The following PCDH15 variants were observed in gnomAD, a reference collection of about 807,000 sequenced individuals.
PCDH15 encodes protocadherin related 15.
A neutral mutation model predicts 178.5 loss-of-function variants in PCDH15; 129 were observed. The ratio of observed to expected loss-of-function variants is 0.72; its 90% confidence interval spans 0.63 to 0.84. The LOEUF (loss-of-function observed/expected upper bound fraction) is 0.84. PCDH15 is among the 40% of genes least tolerant of loss of function. The pLI is 0.00. For synonymous variants in PCDH15, 800 were observed against 732.0 expected, an observed-to-expected ratio of 1.09 and a Z score of -1.50; for missense variants, 2,230 against 2,099.9, an observed-to-expected ratio of 1.06 and a Z score of -1.21.
chr10:55,448,112 A>T (rs980198793), intron 2 of PCDH15, among the ~76,000 whole-genome samples: 3 of 152,038 alleles, frequency 2.0e-5, no homozygotes, highest in Non-Finnish European at 2.9e-5. Flanking sequence ...ATTGATCTTA[A>T]AGAAAAAACA....
At chr10:55,183,868 A>T (rs1291255184) in intron 1 of PCDH15, among the ~76,000 whole-genome samples, 1 of 151,902 alleles carries the variant, frequency 6.6e-6, no homozygotes, top group East Asian at 1.9e-4. Flanking sequence ...CAGATTTTTC[A>T]ATTAAAAATT....
At chr10:55,292,819 C>A (rs1843041898) in intron 1 of PCDH15, among the ~76,000 whole-genome samples, 1 of 152,220 alleles carries the variant, frequency 6.6e-6, no homozygotes, top group Non-Finnish European at 1.5e-5. Flanking sequence ...TATTCTCACT[C>A]CTGGCTGCTT....
At chr10:55,245,365 C>CA (rs1226139780) in intron 1 of PCDH15, among the ~76,000 whole-genome samples, 1 of 151,766 alleles carries the variant, frequency 6.6e-6, no homozygotes, top group African/African-American at 2.4e-5. Flanking sequence ...AAAAATAACT[C>CA]AAAAAAACAG....
intron 1 of PCDH15, among the ~76,000 whole-genome samples, chr10:55,306,569 G>C (rs1409104467): frequency 6.6e-6 from 1 of 152,154 alleles, no homozygotes; most frequent in Non-Finnish European, 1.5e-5. Context: ...AGAGTTCTGA[G>C]TATTCTATAA....
At chr10:55,375,275 A>C (rs1052351708) in intron 2 of PCDH15, among the ~76,000 whole-genome samples, 2 of 152,128 alleles carry the variant, frequency 1.3e-5, no homozygotes, top group Admixed American at 1.3e-4. Flanking sequence ...AGGAAAACTT[A>C]AGAAAGAATG....
chr10:54,798,994 G>C (rs941301507), intron 1 of PCDH15, among the ~76,000 whole-genome samples: 2 of 151,860 alleles, frequency 1.3e-5, no homozygotes, highest in Non-Finnish European at 2.9e-5. Context: ...TATAATTTTT[G>C]GTTTTACATT....
At chr10:55,255,560 C>G (rs1226167552) in intron 1 of PCDH15, among the ~76,000 whole-genome samples, 63 of 152,020 alleles carry the variant, frequency 4.1e-4, no homozygotes, top group African/African-American at 9.2e-4. Context: ...CTAGTTTACA[C>G]TCCCACCAAC....
At position 54,569,125 on chromosome 10, in the gene PCDH15, C is replaced by A. The variant is rs1382074421; in HGVS notation, c.92-41248G>T. On this transcript the variant is annotated intron_variant, in intron 2 of 37. Coordinates refer to ENST00000644397, the MANE Select transcript of PCDH15 (RefSeq NM_001384140.1). Reference sequence around the variant, plus strand: ...AAAAAATAAAAGAAAAAAAGCAAAACCCAAGAAATTAAAAAACTACATATG... The same window carrying A: ...AAAAAATAAAAGAAAAAAAGCAAAAACCAAGAAATTAAAAAACTACATATG... Among the ~76,000 whole-genome samples the A allele has an allele frequency of 4.6e-5, 7 of 151,618 alleles. No homozygotes were observed. In the East Asian group the frequency reaches 1.2e-3, roughly 25 times the overall value.
At chr10:54,413,595 T>G (rs1345947236) in intron 3 of PCDH15, among the ~76,000 whole-genome samples, 2 of 152,188 alleles carry the variant, frequency 1.3e-5, no homozygotes, top group Non-Finnish European at 2.9e-5. Context: ...TTTCAGAAAT[T>G]GAAGTAATCA....
At chr10:54,560,977 TC>T (rs1172710967) in intron 2 of PCDH15, among the ~76,000 whole-genome samples, 1 of 152,102 alleles carries the variant, frequency 6.6e-6, no homozygotes, top group East Asian at 1.9e-4. Flanking sequence ...TGAATAAGCA[TC>T]TGTGTAAAAA....
At chr10:54,342,348 T>C (rs1942397913) in intron 6 of PCDH15, among the ~76,000 whole-genome samples, 1 of 152,152 alleles carries the variant, frequency 6.6e-6, no homozygotes. Context: ...GGCTAAAATG[T>C]ACAGTTCAGG....
chr10:54,451,718 T>C (rs2076491889), intron 3 of PCDH15, among the ~76,000 whole-genome samples: 1 of 151,900 alleles, frequency 6.6e-6, no homozygotes, highest in Non-Finnish European at 1.5e-5. Flanking sequence ...GACACAAATA[T>C]ATTACTTAGA....
chr10:55,370,655 T>C (rs936244831), intron 2 of PCDH15, among the ~76,000 whole-genome samples: 1 of 152,096 alleles, frequency 6.6e-6, no homozygotes, highest in Non-Finnish European at 1.5e-5. Flanking sequence ...TGTTTTATGT[T>C]AGTATCCTTT....
intron 2 of PCDH15, among the ~76,000 whole-genome samples, chr10:55,623,445 A>G (rs568910632): frequency 1.3e-4 from 20 of 152,276 alleles, no homozygotes; most frequent in African/African-American, 4.6e-4. Flanking sequence ...TAAGGAATCC[A>G]TTAAATCACT....
chr10:54,196,171 C>A lies in PCDH15; in HGVS notation c.1099-282G>T, dbSNP rs112175353. The stretch of plus-strand genomic sequence containing the variant: ...ATGTTTTTATTTTTTGAGACAGAGT[C>A]TTGCTCTGTCGCCCAGGCTGGAGTG... On this transcript the variant is annotated intron_variant, in intron 10 of 37. Transcript: ENST00000644397. 0.052 allele frequency among the ~76,000 whole-genome samples: 7,911 copies of A among 152,100 alleles called. 728 individuals carry two copies. The highest frequency in any genetic ancestry group is 0.18 in the African/African-American group (7,442 of 41,442).
chr10:53,890,921 G>A (rs1310847652), intron 26 of PCDH15, among the ~76,000 whole-genome samples: 2 of 152,120 alleles, frequency 1.3e-5, no homozygotes, highest in African/African-American at 4.8e-5. Flanking sequence ...AAACTAATAG[G>A]AAGAATCATT....
intron 3 of PCDH15, among the ~76,000 whole-genome samples, chr10:54,409,783 G>A (rs182057567): frequency 2.6e-5 from 4 of 152,198 alleles, no homozygotes; most frequent in Admixed American, 2.6e-4. Context: ...GGTCTTTAGA[G>A]TTAGTCCCCC....
At chr10:55,114,047 C>T (rs1837572998) in intron 2 of PCDH15, among the ~76,000 whole-genome samples, 1 of 152,182 alleles carries the variant, frequency 6.6e-6, no homozygotes, top group African/African-American at 2.4e-5. Context: ...CTCCCAGGTT[C>T]ACACCATTCT....
At chr10:54,932,350 T>G (rs954473958) in intron 2 of PCDH15, among the ~76,000 whole-genome samples, 1 of 152,216 alleles carries the variant, frequency 6.6e-6, no homozygotes, top group Non-Finnish European at 1.5e-5. Flanking sequence ...AATTTTTATA[T>G]AAAATTTTTA....
Sources: gnomAD v4.1 joint callset for allele counts (sites outside exome capture counted in the v4.1 genomes callset) on GRCh38, gnomAD v4.1.1 for gene constraint, MANE v1.5 for transcripts, NCBI Gene and HGNC (gene_info 2026-07-23, HGNC 2026-07-21) for gene names.